The following CHST8 variants were observed in gnomAD, a reference collection of about 807,000 sequenced individuals.
CHST8 encodes GALNAC-4-ST1.
A neutral mutation model predicts 15.0 loss-of-function variants in CHST8; 10 were observed. That is an observed-to-expected ratio of 0.67 (90% CI 0.41 to 1.13). The LOEUF (loss-of-function observed/expected upper bound fraction) is 1.13. CHST8 is among the 50% of genes most tolerant of loss of function. The probability of loss-of-function intolerance (pLI) is 0.00; values close to 1 mark genes in which losing one functional copy is unlikely to be tolerated. For missense variants in CHST8, 634 were observed against 608.2 expected (o/e 1.04, Z -0.45); for synonymous variants, 259 against 256.6 (o/e 1.01, Z -0.09).
intron 1 of CHST8, among the ~76,000 whole-genome samples, chr19:33,641,746 T>C (rs1303776144): frequency 1.3e-5 from 1 of 78,198 alleles, no homozygotes; most frequent in South Asian, 4.7e-4. Context: ...TCGGGGGCGG[T>C]GTGTGGGGAG....
chr19:33,675,684 A>G (rs1972800249), intron 2 of CHST8, among the ~76,000 whole-genome samples: 1 of 152,192 alleles, frequency 6.6e-6, no homozygotes, highest in Non-Finnish European at 1.5e-5. Flanking sequence ...ACAGGGGCTG[A>G]AGTCATCAGC....
chr19:33,772,905 T>C lies in CHST8; in HGVS notation c.1117T>C (p.Phe373Leu). The change falls in exon 5 of 5, where the codon TTC becomes CTC. Residue 373 changes from phenylalanine (F) to leucine (L), a missense_variant. Transcript: ENST00000650847. ...GCCGCGGAACCTGACCTTCCCCCGGTTCAAGGACCGGCACTCGCAGGAGGC... is the reference window on the plus strand; with the variant it reads ...GCCGCGGAACCTGACCTTCCCCCGGCTCAAGGACCGGCACTCGCAGGAGGC... ...RAPRNLTFPR[F>L]KDRHSQEART... 6.2e-7 allele frequency: 1 copy of C among 1,613,450 alleles called. No homozygotes were observed. Among genetic ancestry groups the C allele is most frequent in the South Asian group, 1.1e-5 (1 of 91,080 alleles).
At position 33,771,954 on chromosome 19, in the gene CHST8, C is replaced by T. The variant is rs1370339552; in HGVS notation, c.169-3C>T. 2 of 1,557,718 alleles carry T rather than the reference C, an allele frequency of 1.3e-6. No homozygotes were observed. The highest frequency in any genetic ancestry group is 1.7e-6 in the Non-Finnish European group (2 of 1,154,946). On this transcript the variant is annotated splice_polypyrimidine_tract_variant and splice_region_variant and intron_variant, in intron 4 of 4. Transcript: ENST00000650847. ...CAGATAACCACTTCTCTTCTTGCCC[C>T]AGGACCTCCCACCAGGCGGCTCCCA...
chr19:33,652,031 G>T (rs1972455385), intron 1 of CHST8, among the ~76,000 whole-genome samples: 1 of 151,978 alleles, frequency 6.6e-6, no homozygotes. Context: ...TTATGAATTT[G>T]TTCATTTTCT....
rs1005369319 is a variant in CHST8, at chr19:33,709,419, A to T, written c.130+20028A>T. Among the ~76,000 whole-genome samples, 53 of 152,176 alleles carry T rather than the reference A, an allele frequency of 3.5e-4. 1 individual carries two copies. Among genetic ancestry groups the T allele is most frequent in the African/African-American group, 1.3e-3 (52 of 41,452 alleles). ...TATTACTAGTTTATTAGAAAAAAAA[A>T]TTTAACCATGAATAGGTGTTGGATT... On this transcript the variant is annotated intron_variant, in intron 3 of 4. Coordinates refer to ENST00000650847, the MANE Select transcript of CHST8 (RefSeq NM_001127895.2).
intron 2 of CHST8, chr19:33,684,380 G>C (rs1972938702): frequency 6.6e-6 from 1 of 152,266 alleles, no homozygotes; most frequent in Non-Finnish European, 1.5e-5. Context: ...CCCGGCTCTG[G>C]GGATTTCAGG....
At chr19:33,754,691 G>C (rs540972964) in intron 3 of CHST8, among the ~76,000 whole-genome samples, 2 of 152,348 alleles carry the variant, frequency 1.3e-5, no homozygotes, top group African/African-American at 4.8e-5. Context: ...ACGTCTCACA[G>C]GGACAACTGT....
intron 1 of CHST8, among the ~76,000 whole-genome samples, chr19:33,631,523 A>G (rs8112179): frequency 0.27 from 40,511 of 152,042 alleles, 5,912 homozygotes; most frequent in Admixed American, 0.38. Context: ...CTTTCTCACA[A>G]AAGTCATTTA....
rs561546610 is a variant in CHST8 at position 33,645,558 on chromosome 19, G to A, written c.-163-22209G>A. Among the ~76,000 whole-genome samples, 22 of 152,264 alleles carry A rather than the reference G, an allele frequency of 1.4e-4. 1 individual carries two copies. The South Asian group carries it at 2.5e-3, about 17-fold the overall frequency. On this transcript the variant is annotated intron_variant, in intron 1 of 4. Transcript: ENST00000650847. ...GGAAGAGATAGCTTTTGGTCTGAGC[G>A]GCTAGAAGGATGGAGTGACCCACAG...
At chr19:33,627,193 C>G (rs374105322) in intron 1 of CHST8, among the ~76,000 whole-genome samples, 1 of 149,514 alleles carries the variant, frequency 6.7e-6, no homozygotes, top group African/African-American at 2.5e-5. Context: ...CTCTGTCTCC[C>G]AGGTTCAAGC....
At chr19:33,734,579 G>GCCAGCCC (rs1004231658) in intron 3 of CHST8, among the ~76,000 whole-genome samples, 1 of 152,154 alleles carries the variant, frequency 6.6e-6, no homozygotes, top group African/African-American at 2.4e-5. Context: ...AGCTCACTGG[G>GCCAGCCC]CCAGCCCCCA....
chr19:33,767,804 G>A (rs1405774842), intron 3 of CHST8, among the ~76,000 whole-genome samples: 2 of 152,156 alleles, frequency 1.3e-5, no homozygotes, highest in Admixed American at 1.3e-4. Context: ...GAAGGTGCGT[G>A]GCAGCATTGG....
chr19:33,638,938 T>C (rs1006109924), intron 1 of CHST8, among the ~76,000 whole-genome samples: 1 of 152,098 alleles, frequency 6.6e-6, no homozygotes, highest in Non-Finnish European at 1.5e-5. Context: ...AGAGAATGCA[T>C]GGCTGGGGAT....
In CHST8 at chr19:33,772,167, G is replaced by A; in HGVS notation, c.379G>A (p.Ala127Thr). The A allele has an allele frequency of 6.2e-7, 1 of 1,600,718 alleles. No individual in the cohort carries two copies. The highest frequency in any genetic ancestry group is 2.3e-5 in the East Asian group (1 of 44,382). ...AATGCCAGCTGCGGCGACCATCCCG[G>A]CCAACAGCTCGGACGCGCCCTTCAT... ...KKMPAAATIP[A>T]NSSDAPFIRP... The change falls in exon 5 of 5, where the codon GCC becomes ACC. Residue 127 changes from alanine to threonine, a missense_variant. Coordinates refer to ENST00000650847, the MANE Select transcript of CHST8 (RefSeq NM_001127895.2).
At chr19:33,740,960 A>T (rs537184383) in intron 3 of CHST8, among the ~76,000 whole-genome samples, 48 of 152,284 alleles carry the variant, frequency 3.2e-4, no homozygotes, top group Non-Finnish European at 6.3e-4. Flanking sequence ...CAGAACCTGG[A>T]GCTAAACCCT....
chr19:33,671,907 C>T (rs1236391856), intron 2 of CHST8, among the ~76,000 whole-genome samples: 1 of 151,948 alleles, frequency 6.6e-6, no homozygotes, highest in Non-Finnish European at 1.5e-5. Flanking sequence ...TGTGATTTAC[C>T]TCCAGAGGGG....
intron 3 of CHST8, among the ~76,000 whole-genome samples, chr19:33,700,543 C>T (rs1599564934): frequency 6.6e-6 from 1 of 152,218 alleles, no homozygotes; most frequent in Non-Finnish European, 1.5e-5. Context: ...TCCTGGAGTG[C>T]CTTCTCCTTG....
At chr19:33,658,339 C>CA (rs1328034720) in intron 1 of CHST8, among the ~76,000 whole-genome samples, 3 of 151,830 alleles carry the variant, frequency 2.0e-5, no homozygotes, top group East Asian at 1.9e-4. Context: ...AACTCCGTCC[C>CA]AAAAAAACCC....
At chr19:33,729,165 C>A (rs901816005) in intron 3 of CHST8, among the ~76,000 whole-genome samples, 1 of 152,196 alleles carries the variant, frequency 6.6e-6, no homozygotes, top group Non-Finnish European at 1.5e-5. Context: ...AGAGGGAAAT[C>A]CAAAGGAAGC....
Sources: allele counts gnomAD v4.1 joint callset (sites outside exome capture counted in the v4.1 genomes callset), GRCh38; gene constraint gnomAD v4.1.1; transcripts MANE v1.5; gene names NCBI Gene and HGNC (gene_info 2026-07-23, HGNC 2026-07-21).